Variants in IFT88 observed in about 807,000 individuals in gnomAD.
The protein encoded by IFT88 is intraflagellar transport 88.
IFT88 carries 74 observed loss-of-function variants against 119.5 expected under a neutral mutation model. That is an observed-to-expected ratio of 0.62 (90% CI 0.51 to 0.75). The LOEUF (loss-of-function observed/expected upper bound fraction) is 0.75. Among genes scored for constraint, IFT88 ranks in the 30% least tolerant of loss-of-function variants. IFT88 has a pLI of 0.00. For missense variants in IFT88, 961 were observed against 977.7 expected (o/e 0.98, Z 0.23); for synonymous variants, 279 against 316.7 (o/e 0.88, Z 1.26).
intron 14 of IFT88, among the ~76,000 whole-genome samples, chr13:20,623,036 T>C (rs1192395409): frequency 1.3e-5 from 2 of 152,224 alleles, no homozygotes; most frequent in African/African-American, 2.4e-5. Flanking sequence ...TCATTACTTA[T>C]GCATAGTTTT....
intron 23 of IFT88, among the ~76,000 whole-genome samples, chr13:20,667,720 G>A (rs1293088642): frequency 4.6e-5 from 7 of 151,582 alleles, no homozygotes; most frequent in Non-Finnish European, 8.8e-5. Flanking sequence ...GGGATTACAG[G>A]TGTGAGCCAC....
intron 13 of IFT88, among the ~76,000 whole-genome samples, chr13:20,605,761 C>G (rs926984609): frequency 9.8e-5 from 15 of 152,304 alleles, no homozygotes; most frequent in Non-Finnish European, 1.8e-4. Context: ...CCCACTACCC[C>G]CTCCTCAGGG....
intron 17 of IFT88, among the ~76,000 whole-genome samples, chr13:20,641,087 C>T (rs927647966): frequency 2.6e-5 from 4 of 152,172 alleles, no homozygotes; most frequent in Non-Finnish European, 5.9e-5. Context: ...GTCGAGGCTG[C>T]TGTGAGCCAT....
At position 20,656,400 on chromosome 13, in the gene IFT88, A is replaced by C. The variant is rs1415621049; in HGVS notation, c.2038A>C (p.Thr680Pro). The C allele has an allele frequency of 6.6e-7, 1 of 1,521,082 alleles. No individual in the cohort carries two copies. Among genetic ancestry groups the C allele is most frequent in the Non-Finnish European group, 9.0e-7 (1 of 1,113,998 alleles). 94.2% of individuals were successfully genotyped at this position (1,521,082 alleles called of 1,614,324 possible). ...AAAAGCATTAGATACTTACAAAGAT[A>C]CTCACAGAAAATTTCCAGAAAATGT... The part of the protein sequence containing the change: ...YQKALDTYKD[T>P]HRKFPENVEC... Residue 680 changes from threonine to proline, a missense_variant, in exon 22 of 26, where the codon ACT becomes CCT. Thr to Pro is a conservative substitution (Grantham distance 38). Transcript: ENST00000351808.
chr13:20,653,763 TTATC>T (rs768104223), intron 20 of IFT88, 109 bp from the exon 21 acceptor site: 3 of 513,320 alleles, frequency 5.8e-6, no homozygotes, highest in Non-Finnish European at 6.8e-6. Context: ...ATAATAAAAA[TTATC>T]TAACAAAAGG....
chr13:20,607,958 G>C, intron 13 of IFT88: 1 of 621,728 alleles, frequency 1.6e-6, no homozygotes, highest in Non-Finnish European at 3.1e-6. Context: ...CAGCAAGTCA[G>C]GAAGCACCTC....
At chr13:20,608,080 A>G in intron 13 of IFT88, 1 of 513,212 alleles carries the variant, frequency 1.9e-6, no homozygotes, top group Non-Finnish European at 3.8e-6. Context: ...TGGCTGCAAC[A>G]ATATCTTAAC....
chr13:20,689,883 A>G (rs1429347311), intron 24 of IFT88, among the ~76,000 whole-genome samples: 1 of 152,224 alleles, frequency 6.6e-6, no homozygotes, highest in Non-Finnish European at 1.5e-5. Flanking sequence ...TTGTTTTAAC[A>G]AAAAGAGAGG....
intron 14 of IFT88, among the ~76,000 whole-genome samples, chr13:20,616,234 T>C (rs2045590194): frequency 6.6e-6 from 1 of 152,220 alleles, no homozygotes; most frequent in South Asian, 2.1e-4. Flanking sequence ...TTTGTGGTGA[T>C]GCTGATATAA....
At chr13:20,633,371 G>A (rs1032486054) in intron 16 of IFT88, among the ~76,000 whole-genome samples, 1 of 152,142 alleles carries the variant, frequency 6.6e-6, no homozygotes, top group African/African-American at 2.4e-5. Flanking sequence ...GCCAGCCATT[G>A]GATGTGGCCT....
chr13:20,653,961 A>G (rs375944100), intron 21 of IFT88, 33 bp downstream of exon 21: 317 of 1,391,350 alleles, frequency 2.3e-4, no homozygotes, highest in Non-Finnish European at 3.0e-4. Context: ...TTTTATAGAT[A>G]TTTTGCTTCT....
In IFT88 at chr13:20,574,440, G is replaced by A. The variant is rs140680324; in HGVS notation, c.55G>A (p.Gly19Ser). 28 of 1,610,502 alleles carry A rather than the reference G, an allele frequency of 1.7e-5. No individual in the cohort carries two copies. The highest frequency in any genetic ancestry group is 1.7e-4 in the African/African-American group (13 of 74,920). Residue 19 changes from glycine to serine, a missense_variant, in exon 2 of 26, where the codon GGC (glycine) becomes AGC (serine). Physicochemically the swap from Gly to Ser is moderately conservative, Grantham distance 56. Transcript: ENST00000351808. Reference protein sequence around the residue: ...PETDEDDLYSGYNDYNPIYDI... With the variant: ...PETDEDDLYSSYNDYNPIYDI... ...GACAGATGAAGATGATCTTTATTCC[G>A]GCTATAATGACTACAATCCAATCTA...
Position 20,605,043 on chromosome 13 carries a change from T to C in IFT88, c.1050T>C (p.Pro350=). ...EDKYISPSDD[P]HTNLVTEAIK... The stretch of plus-strand genomic sequence containing the variant: ...CCATTTTATTTTACCAGGATGATCC[T>C]CATACTAACTTAGTAACTGAAGCTA... The change falls in exon 13 of 26, where the codon CCT becomes CCC. Residue 350 remains proline, a synonymous_variant. Transcript: ENST00000351808. 6.9e-7 allele frequency: 1 copy of C among 1,440,436 alleles called. No individual in the cohort carries two copies. Among genetic ancestry groups the C allele is most frequent in the Non-Finnish European group, 9.7e-7 (1 of 1,025,998 alleles). 89.2% of individuals were successfully genotyped at this position (1,440,436 alleles called of 1,614,324 possible). A position where few individuals can be genotyped will look rare whatever the true frequency, so the allele number is the denominator to read the frequency against.
intron 15 of IFT88, among the ~76,000 whole-genome samples, 179 bp downstream of exon 15, chr13:20,626,028 G>T: frequency 1.7e-5 from 2 of 115,800 alleles, no homozygotes; most frequent in African/African-American, 3.4e-5. Context: ...ATTAATTTTT[G>T]CCTGTTTGTC....
intron 16 of IFT88, among the ~76,000 whole-genome samples, chr13:20,636,208 C>T (rs1402227716): frequency 6.6e-6 from 1 of 152,144 alleles, no homozygotes; most frequent in Non-Finnish European, 1.5e-5. Flanking sequence ...AAGCCCACTT[C>T]GCTACCTGGG....
chr13:20,586,922 TA>T (rs1444665847), intron 3 of IFT88, among the ~76,000 whole-genome samples: 2 of 152,194 alleles, frequency 1.3e-5, no homozygotes, highest in South Asian at 2.1e-4. Flanking sequence ...TTTTAACCTC[TA>T]ATTACATTTT....
intron 24 of IFT88, 35 bp from the exon 25 acceptor site, chr13:20,690,670 A>G (rs1240410073): frequency 3.0e-6 from 4 of 1,345,454 alleles, no homozygotes; most frequent in African/African-American, 1.4e-5. Context: ...TTCTCAACAT[A>G]TTAAACAAAT....
chr13:20,641,554 T>C, intron 18 of IFT88, 156 bp downstream of exon 18: 2 of 489,244 alleles, frequency 4.1e-6, no homozygotes, highest in Admixed American at 6.9e-5. Flanking sequence ...GTGATAAATA[T>C]CATTTGAGTA....
chr13:20,611,378 AAT>A (rs1472394719), intron 13 of IFT88, among the ~76,000 whole-genome samples: 1 of 151,338 alleles, frequency 6.6e-6, no homozygotes, highest in Admixed American at 6.6e-5. Flanking sequence ...AAAATACAAA[AAT>A]TAGTCAGACA....
Sources: allele counts gnomAD v4.1 joint callset (sites outside exome capture counted in the v4.1 genomes callset), GRCh38; gene constraint gnomAD v4.1.1; transcripts MANE v1.5; gene names NCBI Gene and HGNC (gene_info 2026-07-23, HGNC 2026-07-21).